CNTNAP5: variants seen among roughly 807,000 people sequenced by gnomAD.
CNTNAP5 encodes contactin associated protein family member 5.
In CNTNAP5, 72 loss-of-function variants were observed where a neutral mutation model predicts 150.2. The observed-to-expected ratio is 0.48, with a 90% CI of 0.40 to 0.58. The LOEUF (loss-of-function observed/expected upper bound fraction) is 0.58, where lower values mean the gene tolerates loss of function less well. Among genes scored for constraint, CNTNAP5 ranks in the 20% least tolerant of loss-of-function variants. The pLI is 0.00. For missense variants in CNTNAP5, 1,636 were observed against 1,626.2 expected (o/e 1.01, Z -0.10); for synonymous variants, 672 against 619.8 (o/e 1.08, Z -1.25).
At chr2:124,440,261 G>T (rs1692641374) in intron 5 of CNTNAP5, among the ~76,000 whole-genome samples, 1 of 152,142 alleles carries the variant, frequency 6.6e-6, no homozygotes, top group Non-Finnish European at 1.5e-5. Context: ...TGATTCTGAT[G>T]ATCTGATAGA....
chr2:124,900,948 T>C (rs907100291), intron 21 of CNTNAP5, among the ~76,000 whole-genome samples: 2 of 151,642 alleles, frequency 1.3e-5, no homozygotes, highest in African/African-American at 2.4e-5. Context: ...ATCTAGTCCA[T>C]TAAAGTTTTT....
chr2:124,405,815 T>A (rs1301256637), intron 3 of CNTNAP5, among the ~76,000 whole-genome samples: 1 of 152,260 alleles, frequency 6.6e-6, no homozygotes, highest in Non-Finnish European at 1.5e-5. Context: ...GCTCAACTAG[T>A]GTGTTGTTGC....
intron 16 of CNTNAP5, among the ~76,000 whole-genome samples, chr2:124,766,085 A>G (rs1681062857): frequency 6.6e-6 from 1 of 152,190 alleles, no homozygotes; most frequent in African/African-American, 2.4e-5. Flanking sequence ...TTACTTGTGT[A>G]TGGTAATAAT....
chr2:124,908,914 A>C (rs1678596680), intron 22 of CNTNAP5, among the ~76,000 whole-genome samples: 1 of 152,142 alleles, frequency 6.6e-6, no homozygotes, highest in African/African-American at 2.4e-5. Flanking sequence ...AAAGAAAGAA[A>C]ATATTTTTGT....
At chr2:124,202,425 T>C (rs1427838698) in intron 1 of CNTNAP5, among the ~76,000 whole-genome samples, 9 of 152,188 alleles carry the variant, frequency 5.9e-5, no homozygotes, top group Non-Finnish European at 1.0e-4. Flanking sequence ...GGGATGTCTT[T>C]AGTAGTGTAA....
chr2:124,757,237 TC>T (rs1464116345), intron 14 of CNTNAP5, among the ~76,000 whole-genome samples: 4 of 152,190 alleles, frequency 2.6e-5, no homozygotes, highest in African/African-American at 9.6e-5. Context: ...GTCAAGGTGA[TC>T]CATGGGTAAT....
At chr2:124,534,390 A>G (rs181691129) in intron 10 of CNTNAP5, among the ~76,000 whole-genome samples, 11 of 152,330 alleles carry the variant, frequency 7.2e-5, no homozygotes, top group Admixed American at 7.2e-4. Flanking sequence ...GAGTATGCTC[A>G]TAGTTATTTC....
intron 19 of CNTNAP5, among the ~76,000 whole-genome samples, chr2:124,809,077 TC>T (rs1411893571): frequency 6.6e-6 from 1 of 151,816 alleles, no homozygotes; most frequent in East Asian, 1.9e-4. Flanking sequence ...TATAGAAATG[TC>T]CCCTCATTGA....
intron 19 of CNTNAP5, among the ~76,000 whole-genome samples, chr2:124,825,952 T>C (rs1682583986): frequency 6.6e-6 from 1 of 152,194 alleles, no homozygotes. Flanking sequence ...CAGGAGTTAT[T>C]GTAACTCATT....
intron 7 of CNTNAP5, among the ~76,000 whole-genome samples, chr2:124,503,721 C>T (rs17726905): frequency 0.21 from 31,318 of 152,118 alleles, 3,581 homozygotes; most frequent in East Asian, 0.34. Flanking sequence ...CTTCCTGTCC[C>T]ACGAACTACT....
At chr2:124,813,277 C>A (rs1682278391) in intron 19 of CNTNAP5, among the ~76,000 whole-genome samples, 1 of 152,008 alleles carries the variant, frequency 6.6e-6, no homozygotes, top group African/African-American at 2.4e-5. Flanking sequence ...CAGGGTTTCA[C>A]CATTTTAGCC....
intron 1 of CNTNAP5, among the ~76,000 whole-genome samples, chr2:124,130,733 T>C (rs1683824421): frequency 6.6e-6 from 1 of 152,138 alleles, no homozygotes; most frequent in South Asian, 2.1e-4. Flanking sequence ...TATATAATTT[T>C]TTATCATACT....
chr2:124,787,899 T>G (rs368464019), intron 17 of CNTNAP5, among the ~76,000 whole-genome samples: 3 of 152,196 alleles, frequency 2.0e-5, no homozygotes, highest in African/African-American at 7.2e-5. Flanking sequence ...TTAATAAAGT[T>G]GTAGAATAAT....
chr2:124,694,476 C>T (rs958032152), intron 13 of CNTNAP5, among the ~76,000 whole-genome samples: 1 of 152,054 alleles, frequency 6.6e-6, no homozygotes, highest in African/African-American at 2.4e-5. Flanking sequence ...AAATGATCTT[C>T]ATAGCTGTGT....
In CNTNAP5 at chr2:124,747,225, C is replaced by T; in HGVS notation, c.2078-4C>T. On this transcript the variant is annotated splice_polypyrimidine_tract_variant and splice_region_variant and intron_variant, in intron 13 of 23. Coordinates refer to ENST00000682447, the MANE Select transcript of CNTNAP5 (RefSeq NM_001367498.1). ...CCTGACTGGTGGAATATCTTGTCTT[C>T]CAGATGGAACACCATTTACCTGGTG... The T allele has an allele frequency of 6.2e-7, 1 of 1,611,314 alleles. No homozygotes were observed. The highest frequency in any genetic ancestry group is 2.2e-5 in the East Asian group (1 of 44,628).
intron 12 of CNTNAP5, among the ~76,000 whole-genome samples, chr2:124,616,509 A>C (rs1408383113): frequency 6.6e-6 from 1 of 152,162 alleles, no homozygotes; most frequent in Non-Finnish European, 1.5e-5. Flanking sequence ...TCAGCAGCTA[A>C]AATTTTCTCC....
At chr2:124,170,115 A>T (rs980998554) in intron 1 of CNTNAP5, among the ~76,000 whole-genome samples, 6 of 152,202 alleles carry the variant, frequency 3.9e-5, no homozygotes, top group Non-Finnish European at 8.8e-5. Flanking sequence ...CAGGGTAATC[A>T]TCTACAACAG....
chr2:124,717,108 T>A (rs1348694654), intron 13 of CNTNAP5, among the ~76,000 whole-genome samples: 1 of 152,198 alleles, frequency 6.6e-6, no homozygotes, highest in Non-Finnish European at 1.5e-5. Flanking sequence ...CCATCTTTTT[T>A]AACTGTGATA....
chr2:124,081,331 A>T (rs778968500), intron 1 of CNTNAP5, among the ~76,000 whole-genome samples: 1 of 152,184 alleles, frequency 6.6e-6, no homozygotes, highest in Non-Finnish European at 1.5e-5. Flanking sequence ...ACAGCCCTTC[A>T]AATGCATAGA....
Sources: allele counts gnomAD v4.1 joint callset (sites outside exome capture counted in the v4.1 genomes callset), GRCh38; gene constraint gnomAD v4.1.1; transcripts MANE v1.5; gene names NCBI Gene and HGNC (gene_info 2026-07-23, HGNC 2026-07-21).